Variants in SLC36A3 observed in about 807,000 individuals in gnomAD.
The protein encoded by SLC36A3 is solute carrier family 36 member 3, also known as proton-coupled amino acid transporter 3.
A neutral mutation model predicts 44.3 loss-of-function variants in SLC36A3; 35 were observed. That is an observed-to-expected ratio of 0.79 (90% CI 0.60 to 1.05). SLC36A3 has a LOEUF of 1.05. Among genes scored for constraint, SLC36A3 ranks in the 50% least tolerant of loss-of-function variants. The pLI, the probability that SLC36A3 is intolerant of heterozygous loss-of-function variation, is 0.00. For missense variants in SLC36A3, 540 were observed against 578.7 expected (o/e 0.93, Z 0.69); for synonymous variants, 211 against 227.6 (o/e 0.93, Z 0.66).
chr5:151,290,667 G>A (rs1486336194), intron 4 of SLC36A3, among the ~76,000 whole-genome samples: 1 of 152,112 alleles, frequency 6.6e-6, no homozygotes, highest in Non-Finnish European at 1.5e-5. Context: ...AGGCCGAGGC[G>A]GGCGGATCAC....
rs191419863 is a variant in SLC36A3 at position 151,292,991 on chromosome 5, C to G, written c.404+373G>C. Among the ~76,000 whole-genome samples, 34 of 152,008 alleles carry G rather than the reference C, an allele frequency of 2.2e-4. 1 individual carries two copies. The highest frequency in any genetic ancestry group is 4.2e-4 in the South Asian group (2 of 4,798). On this transcript the variant is annotated intron_variant, in intron 4 of 9. Coordinates refer to ENST00000335230, the MANE Select transcript of SLC36A3 (RefSeq NM_181774.4). ...AAGAGTGAAACTCTGTCCCTCCCCCCCCAAAAATGAGGTTCATTTATATGT... is the reference window on the plus strand; with the variant it reads ...AAGAGTGAAACTCTGTCCCTCCCCCGCCAAAAATGAGGTTCATTTATATGT...
intron 1 of SLC36A3, among the ~76,000 whole-genome samples, chr5:151,299,256 CTCTCTCTCTATATATATA>C (rs771346992): frequency 2.9e-3 from 222 of 76,584 alleles, no homozygotes; most frequent in African/African-American, 0.011. Context: ...CTCTCTCTCT[CTCTCTCTCTATATATATA>C]TATATATATA....
rs150297675 is a variant in SLC36A3 at position 151,282,143 on chromosome 5, G to A, written c.975-960C>T. Reference sequence around the variant, plus strand: ...TTTTTTTTTTTTTTTTTTTTGAGACGGAGTTTCGCTTTTATTGCCCAGGCT... The same window carrying A: ...TTTTTTTTTTTTTTTTTTTTGAGACAGAGTTTCGCTTTTATTGCCCAGGCT... On this transcript the variant is annotated intron_variant, in intron 8 of 9. Coordinates refer to ENST00000335230, the MANE Select transcript of SLC36A3 (RefSeq NM_181774.4). Among the ~76,000 whole-genome samples the A allele has an allele frequency of 3.9e-3, 360 of 92,582 alleles. 19 individuals are homozygous for A. The East Asian group carries it at 0.053, about 14-fold the overall frequency. 60.7% of individuals were successfully genotyped at this position (92,582 alleles called of 152,430 possible).
At chr5:151,290,981 T>C (rs989036548) in intron 4 of SLC36A3, among the ~76,000 whole-genome samples, 3 of 151,900 alleles carry the variant, frequency 2.0e-5, no homozygotes, top group Non-Finnish European at 2.9e-5. Flanking sequence ...AAATTAACAA[T>C]AATTTCTTTT....
In SLC36A3 at chr5:151,277,515, T is replaced by G; in HGVS notation, c.1291A>C (p.Lys431Gln). 2 of 1,614,216 alleles carry G rather than the reference T, an allele frequency of 1.2e-6. No individual in the cohort carries two copies. The highest frequency in any genetic ancestry group is 1.7e-6 in the Non-Finnish European group (2 of 1,180,040). ...CCCACGATGCTAATCATGATGTCCT[T>G]GGCAATGGTGACACAGCTCATGTCC... Reference protein sequence around the residue: ...SEDMSCVTIAKDIMISIVGLL... With the variant: ...SEDMSCVTIAQDIMISIVGLL... The change falls in exon 10 of 10, where the codon AAG becomes CAG. Residue 431 changes from lysine to glutamine, a missense_variant. Coordinates refer to ENST00000335230, the MANE Select transcript of SLC36A3 (RefSeq NM_181774.4).
chr5:151,287,411 C>T lies in SLC36A3; in HGVS notation c.543G>A (p.Leu181=). The part of the protein sequence containing the change: ...TSNICQPREI[L]TLTPILDIRF... The stretch of plus-strand genomic sequence containing the variant: ...GAATGTCCAGGATGGGGGTCAGCGT[C>T]AGAATCTCCCTGGGCTGGCAGATGT... Residue 181 remains leucine, a synonymous_variant, in exon 6 of 10, where the codon CTG becomes CTA. Coordinates refer to ENST00000335230, the MANE Select transcript of SLC36A3 (RefSeq NM_181774.4). 1 of 1,614,118 alleles carries T rather than the reference C, an allele frequency of 6.2e-7. No individual in the cohort carries two copies. Among genetic ancestry groups the T allele is most frequent in the Non-Finnish European group, 8.5e-7 (1 of 1,179,998 alleles).
intron 9 of SLC36A3, 107 bp from the exon 10 acceptor site, chr5:151,277,768 G>T: frequency 7.2e-7 from 1 of 1,398,238 alleles, no homozygotes; most frequent in Non-Finnish European, 9.6e-7. Context: ...TTGGAGAGGT[G>T]GGAGGGAGCC....
chr5:151,301,423 G>A (rs969624258), intron 1 of SLC36A3, among the ~76,000 whole-genome samples: 2 of 152,012 alleles, frequency 1.3e-5, no homozygotes, highest in African/African-American at 2.4e-5. Flanking sequence ...TGCAGACCCT[G>A]CACTCTGATG....
chr5:151,280,606 C>G (rs979489668), intron 9 of SLC36A3, among the ~76,000 whole-genome samples: 1 of 152,218 alleles, frequency 6.6e-6, no homozygotes, highest in African/African-American at 2.4e-5. Flanking sequence ...GTTACACAAT[C>G]TGTGTTCAAA....
At chr5:151,293,335 G>A in intron 4 of SLC36A3, 29 bp downstream of exon 4, 2 of 1,570,276 alleles carry the variant, frequency 1.3e-6, no homozygotes, top group Non-Finnish European at 1.7e-6. Flanking sequence ...GATTTTTGTT[G>A]TTACTACTAC....
chr5:151,287,537 A>G (rs1409824472), intron 5 of SLC36A3, 73 bp from the exon 6 acceptor site: 4 of 1,431,220 alleles, frequency 2.8e-6, no homozygotes, highest in African/African-American at 1.4e-5. Context: ...TTTGAATTTC[A>G]GGTAATTAAT....
At chr5:151,300,405 A>G (rs1351543122) in intron 1 of SLC36A3, among the ~76,000 whole-genome samples, 1 of 152,166 alleles carries the variant, frequency 6.6e-6, no homozygotes, top group African/African-American at 2.4e-5. Flanking sequence ...AGGGCAGTCT[A>G]TTCACCTAAG....
At chr5:151,301,659 G>A (rs1266099757) in intron 1 of SLC36A3, among the ~76,000 whole-genome samples, 2 of 151,346 alleles carry the variant, frequency 1.3e-5, no homozygotes, top group Non-Finnish European at 2.9e-5. Context: ...TAAAACTCCG[G>A]TCTCGAGCTT....
chr5:151,298,345 G>A, intron 2 of SLC36A3: 2 of 461,946 alleles, frequency 4.3e-6, no homozygotes, highest in Non-Finnish European at 7.9e-6. Flanking sequence ...GGGGAGGACT[G>A]CGGGGAGAAT....
intron 2 of SLC36A3, chr5:151,297,117 TC>T (rs1286609952): frequency 6.6e-6 from 1 of 152,232 alleles, no homozygotes; most frequent in African/African-American, 2.4e-5. Context: ...GCAGAGACTC[TC>T]GTGTCTTGTT....
intron 9 of SLC36A3, among the ~76,000 whole-genome samples, chr5:151,279,926 A>G (rs1212028830): frequency 6.6e-6 from 1 of 152,122 alleles, no homozygotes; most frequent in Admixed American, 6.5e-5. Flanking sequence ...TTTAAGGATA[A>G]ATGTGGAAAT....
chr5:151,293,981 C>G (rs907163494), intron 3 of SLC36A3, among the ~76,000 whole-genome samples: 3 of 152,244 alleles, frequency 2.0e-5, no homozygotes, highest in Non-Finnish European at 4.4e-5. Flanking sequence ...AAGGGTGGAG[C>G]AGGCCCTGCT....
Position 151,293,243 on chromosome 5 carries a change from T to G in SLC36A3, c.404+121A>C, listed in dbSNP as rs971562944. 3.0e-5 allele frequency: 25 copies of G among 824,420 alleles called. No individual in the cohort carries two copies. The Admixed American group carries it at 6.2e-4, about 20-fold the overall frequency. 51.1% of individuals were successfully genotyped at this position (824,420 alleles called of 1,614,324 possible). On this transcript the variant is annotated intron_variant, in intron 4 of 9. Transcript: ENST00000335230. ...TGGGGGATGGGGTTATCGAGGTGAT[T>G]CTCTCTATTGTTTGATAGTTTACAA...
rs1441590897 is a variant in SLC36A3 at position 151,276,789 on chromosome 5, T to A, written c.*604A>T. ...GGTTGGTGGATAAGTTAATTTCTTT[T>A]ATTCACTTTCAGAATATCAGAGTTG... On this transcript the variant is annotated 3_prime_UTR_variant, in exon 10 of 10. Coordinates refer to ENST00000335230, the MANE Select transcript of SLC36A3 (RefSeq NM_181774.4). 1 of 152,618 alleles carries A rather than the reference T, an allele frequency of 6.6e-6. No individual in the cohort carries two copies. Among genetic ancestry groups the A allele is most frequent in the Non-Finnish European group, 1.5e-5 (1 of 68,310 alleles). The allele number at this position is 152,618 out of a possible 1,614,324, so 9.5% of individuals were successfully genotyped here. A position where few individuals can be genotyped will look rare whatever the true frequency, so the allele number is the denominator to read the frequency against.
Sources: gnomAD v4.1 joint callset for allele counts (sites outside exome capture counted in the v4.1 genomes callset) on GRCh38, gnomAD v4.1.1 for gene constraint, MANE v1.5 for transcripts, NCBI Gene and HGNC (gene_info 2026-07-23, HGNC 2026-07-21) for gene names.